The following MITF variants were observed in gnomAD, a reference collection of about 807,000 sequenced individuals.
MITF encodes microphthalmia-associated transcription factor.
In MITF, 17 loss-of-function variants were observed where a neutral mutation model predicts 60.5. The ratio of observed to expected loss-of-function variants is 0.28; its 90% CI spans 0.19 to 0.42. The LOEUF (loss-of-function observed/expected upper bound fraction) is 0.42, where lower values mean the gene tolerates loss of function less well. MITF is among the 10% of genes least tolerant of loss of function. The pLI is 1.00. For synonymous variants in MITF, 260 were observed against 248.5 expected, an observed-to-expected ratio of 1.05 and a Z score of -0.43; for missense variants, 622 against 683.5, an observed-to-expected ratio of 0.91 and a Z score of 1.00.
chr3:69,953,175 C>T (rs2066299570), intron 7 of MITF, among the ~76,000 whole-genome samples: 1 of 152,176 alleles, frequency 6.6e-6, no homozygotes, highest in Admixed American at 6.5e-5. Context: ...AAACTATTAT[C>T]TCCAAGGCCT....
intron 1 of MITF, chr3:69,752,110 T>A (rs2106771975): frequency 6.6e-6 from 1 of 152,332 alleles, no homozygotes; most frequent in East Asian, 1.9e-4. Flanking sequence ...TGAAGCACCG[T>A]GATTTAATCA....
Position 69,964,919 on chromosome 3 carries a change from G to A in MITF, c.1252G>A (p.Val418Met). The A allele has an allele frequency of 6.2e-7, 1 of 1,614,042 alleles. No individual in the cohort carries two copies. Among genetic ancestry groups the A allele is most frequent in the Non-Finnish European group, 8.5e-7 (1 of 1,180,016 alleles). Residue 418 changes from valine to methionine, a missense_variant, in exon 10 of 10, where the codon GTG becomes ATG. By Grantham distance (21) the Val-to-Met change is conservative. Transcript: ENST00000352241. The part of the protein sequence containing the change: ...PSTGLCSPDL[V>M]NRIIKQEPVL... ...CACGGGTCTCTGCTCTCCAGATTTG[G>A]TGAATCGGATCATCAAGCAAGAACC...
rs2064561465 is a variant in MITF at position 69,884,389 on chromosome 3, T to C, written c.354+5006T>C. On this transcript the variant is annotated intron_variant, in intron 2 of 9. Coordinates refer to ENST00000352241, the MANE Select transcript of MITF (RefSeq NM_001354604.2). Reference sequence around the variant, plus strand: ...ACCCTTTATTTTTCTTTGTTCATATTTGCAAATGGAACAAAAAAATGTATA... The same window carrying C: ...ACCCTTTATTTTTCTTTGTTCATATCTGCAAATGGAACAAAAAAATGTATA... Among the ~76,000 whole-genome samples, 3 of 152,150 alleles carry C rather than the reference T, an allele frequency of 2.0e-5. No homozygotes were observed. The South Asian group carries it at 6.2e-4, about 32-fold the overall frequency.
chr3:69,874,475 T>A lies in MITF; in HGVS notation c.105-4659T>A, dbSNP rs182674895. Among the ~76,000 whole-genome samples the A allele has an allele frequency of 2.6e-5, 4 of 152,358 alleles. No individual in the cohort carries two copies. The East Asian group carries it at 7.7e-4, about 29-fold the overall frequency. On this transcript the variant is annotated intron_variant, in intron 1 of 9. Coordinates refer to ENST00000352241, the MANE Select transcript of MITF (RefSeq NM_001354604.2). ...TTATTGGACCATGTTTCAGTCATTG[T>A]GCTAAGTTTTTCTATCTATTAAAAA...
chr3:69,939,052 A>T, intron 3 of MITF, 46 bp from the exon 4 acceptor site: 1 of 1,604,542 alleles, frequency 6.2e-7, no homozygotes, highest in African/African-American at 1.3e-5. Context: ...TTAAAAAGTC[A>T]TTTGCAAATC....
At chr3:69,764,411 T>A (rs1282359826) in intron 1 of MITF, among the ~76,000 whole-genome samples, 1 of 152,244 alleles carries the variant, frequency 6.6e-6, no homozygotes, top group East Asian at 1.9e-4. Flanking sequence ...TGTAAAAGAA[T>A]ACCACTTCCT....
chr3:69,795,391 A>ATTTGG lies in MITF; in HGVS notation c.104+55694_104+55698dup, dbSNP rs1408035714. Among the ~76,000 whole-genome samples, 4 of 152,326 alleles carry ATTTGG rather than the reference A, an allele frequency of 2.6e-5. No homozygotes were observed. In the East Asian group the frequency reaches 7.7e-4, roughly 29 times the overall value. ...TGATAACTCTTGATATAAATATTGCATTTGGTTTTTAAAAAACAATGAACT... is the reference window on the plus strand; with the variant it reads ...TGATAACTCTTGATATAAATATTGCATTTGGTTTGGTTTTTAAAAAACAATGAACT... On this transcript the variant is annotated intron_variant, in intron 1 of 9. Transcript: ENST00000352241.
At chr3:69,909,610 G>T (rs1243047062) in intron 2 of MITF, among the ~76,000 whole-genome samples, 2 of 152,180 alleles carry the variant, frequency 1.3e-5, no homozygotes, top group East Asian at 1.9e-4. Context: ...GGCTGAGGTG[G>T]TCTCAGATGG....
chr3:69,939,117 A>T lies in MITF; in HGVS notation c.602A>T (p.Glu201Val). The T allele has an allele frequency of 1.2e-6, 2 of 1,614,102 alleles. No individual in the cohort carries two copies. The highest frequency in any genetic ancestry group is 1.7e-6 in the Non-Finnish European group (2 of 1,180,002). ...CEKEGFYKFE[E>V]QNRAESECPG... is the part of the protein sequence containing the mutation. ...TTGCAGGGATTTTATAAGTTTGAAG[A>T]GCAAAACAGGGCAGAGAGCGAGTGC... The change falls in exon 4 of 10, where the codon GAG (glutamate) becomes GTG (valine). Residue 201 changes from glutamate (E) to valine (V), a missense_variant. Around this residue, in one of 5 missense-constraint regions of MITF, gnomAD observed 215 missense variants for 224.8 expected, o/e 0.96. Coordinates refer to ENST00000352241, the MANE Select transcript of MITF (RefSeq NM_001354604.2).
chr3:69,959,250 G>A, intron 8 of MITF, 23 bp from the exon 9 acceptor site: 1 of 1,613,494 alleles, frequency 6.2e-7, no homozygotes, highest in Non-Finnish European at 8.5e-7. Context: ...AAAAATATCT[G>A]TTTTCCTCCA....
intron 1 of MITF, among the ~76,000 whole-genome samples, chr3:69,862,814 A>G (rs1414632935): frequency 2.0e-5 from 3 of 152,210 alleles, no homozygotes; most frequent in Non-Finnish European, 4.4e-5. Flanking sequence ...ATTTGCTGCA[A>G]TTTAGGGCAA....
At chr3:69,779,227 G>A (rs917133636) in intron 1 of MITF, among the ~76,000 whole-genome samples, 2 of 152,192 alleles carry the variant, frequency 1.3e-5, no homozygotes, top group Admixed American at 6.5e-5. Flanking sequence ...GTACCCCGAT[G>A]CTGTGTGATT....
intron 2 of MITF, among the ~76,000 whole-genome samples, chr3:69,916,006 C>G (rs1013139069): frequency 6.6e-6 from 1 of 152,086 alleles, no homozygotes; most frequent in African/African-American, 2.4e-5. Context: ...AAGCAATTGC[C>G]AAATTGTTAT....
intron 2 of MITF, among the ~76,000 whole-genome samples, chr3:69,935,030 C>A (rs2065801883): frequency 6.6e-6 from 1 of 152,180 alleles, no homozygotes. Context: ...CAGTTTTTAT[C>A]TGCTGTTCCT....
chr3:69,751,518 C>T (rs1039993260), intron 1 of MITF, among the ~76,000 whole-genome samples: 2 of 151,942 alleles, frequency 1.3e-5, no homozygotes, highest in African/African-American at 4.8e-5. Context: ...TTCAGCCTAC[C>T]CCTGTGTTTC....
intron 9 of MITF, among the ~76,000 whole-genome samples, chr3:69,964,166 G>A (rs988189344): frequency 3.3e-5 from 5 of 151,906 alleles, no homozygotes; most frequent in African/African-American, 9.6e-5. Context: ...TAGTGGAGAC[G>A]GGGTTTCAAC....
chr3:69,927,166 C>A (rs1215469655), intron 2 of MITF, among the ~76,000 whole-genome samples: 1 of 151,474 alleles, frequency 6.6e-6, no homozygotes, highest in African/African-American at 2.4e-5. Flanking sequence ...ATTTAAAAAT[C>A]AATTTTGGAT....
chr3:69,867,448 G>C (rs1481497030), intron 1 of MITF, among the ~76,000 whole-genome samples: 1 of 152,016 alleles, frequency 6.6e-6, no homozygotes, highest in African/African-American at 2.4e-5. Context: ...AACTTCTTGA[G>C]CTTCTATTTC....
At chr3:69,792,473 A>G (rs937087632) in intron 1 of MITF, among the ~76,000 whole-genome samples, 1 of 152,052 alleles carries the variant, frequency 6.6e-6, no homozygotes, top group Admixed American at 6.6e-5. Flanking sequence ...TTCCAAAAGA[A>G]TAACGATAGT....
Sources: allele counts gnomAD v4.1 joint callset (sites outside exome capture counted in the v4.1 genomes callset), GRCh38; gene constraint gnomAD v4.1.1; regional missense constraint gnomAD v4.1.1; transcripts MANE v1.5; gene names NCBI Gene and HGNC (gene_info 2026-07-23, HGNC 2026-07-21).